AMBRA1: variants seen among roughly 807,000 people sequenced by gnomAD.
The protein encoded by AMBRA1 is activating molecule in BECN1-regulated autophagy protein 1.
A neutral mutation model predicts 125.4 loss-of-function variants in AMBRA1; 47 were observed. The ratio of observed to expected loss-of-function variants is 0.37; its 90% CI spans 0.30 to 0.48. The LOEUF (loss-of-function observed/expected upper bound fraction) is 0.48, where lower values mean the gene tolerates loss of function less well. Among genes scored for constraint, AMBRA1 ranks in the 20% least tolerant of loss-of-function variants. AMBRA1 has a pLI of 0.99. For synonymous variants in AMBRA1, 626 were observed against 655.5 expected (o/e 0.95, Z 0.69); for missense variants, 1,331 against 1,693.4 (o/e 0.79, Z 3.76).
chr11:46,587,649 G>A lies in AMBRA1; in HGVS notation c.-121+6179C>T, dbSNP rs943467588. Among the ~76,000 whole-genome samples the A allele has an allele frequency of 8.5e-5, 13 of 152,214 alleles. No individual in the cohort carries two copies. In the East Asian group the frequency reaches 2.1e-3, roughly 25 times the overall value. On this transcript the variant is annotated intron_variant, in intron 1 of 17. Transcript: ENST00000683756. ...TAATCCCTGTAAATACCCAGGGCTC[G>A]CCTCACTCCTTCTTCCCTCTGTCAG...
chr11:46,553,275 T>A (rs938303528), intron 1 of AMBRA1, among the ~76,000 whole-genome samples: 1 of 152,112 alleles, frequency 6.6e-6, no homozygotes, highest in South Asian at 2.1e-4. Flanking sequence ...AATAACTATT[T>A]ATTGTAAAAA....
At chr11:46,516,323 C>T (rs540102387) in intron 7 of AMBRA1, among the ~76,000 whole-genome samples, 2 of 151,454 alleles carry the variant, frequency 1.3e-5, no homozygotes, top group South Asian at 4.2e-4. Context: ...TAAAAATAGG[C>T]TTCTCCAATT....
chr11:46,487,207 G>A lies in AMBRA1; in HGVS notation c.2521+6401C>T, dbSNP rs1182476353. ...CAGCAGGTTGAGGGTGCAGTGAGTC[G>A]TGACTGGGTCACTGCACTCCAGCCT... On this transcript the variant is annotated intron_variant, in intron 11 of 17. Transcript: ENST00000683756. 6.0e-5 allele frequency among the ~76,000 whole-genome samples: 9 copies of A among 149,352 alleles called. No homozygotes were observed. In the East Asian group the frequency reaches 8.1e-4, roughly 13 times the overall value.
chr11:46,493,663 A>G lies in AMBRA1; in HGVS notation c.2466T>C (p.His822=), dbSNP rs746460100. 6.9e-6 allele frequency: 11 copies of G among 1,604,776 alleles called. No homozygotes were observed. The Admixed American group carries it at 1.4e-4, about 20-fold the overall frequency. ...PEYLPYAGIF[H]ERGQPGLATH... ...TAGCCAAGCCAGGCTGTCCACGTTC[A>G]TGAAAAATCCCAGCATAAGGCAAGT... Residue 822 remains histidine (H), a synonymous_variant, in exon 11 of 18, where the codon CAT becomes CAC. Coordinates refer to ENST00000683756, the MANE Select transcript of AMBRA1 (RefSeq NM_001387011.1).
intron 1 of AMBRA1, among the ~76,000 whole-genome samples, chr11:46,578,749 C>T (rs1167119805): frequency 1.3e-5 from 2 of 150,456 alleles, no homozygotes; most frequent in African/African-American, 4.9e-5. Flanking sequence ...GGCATGGTGG[C>T]GGGCGTCTGT....
At chr11:46,529,617 T>C (rs538457087) in intron 7 of AMBRA1, among the ~76,000 whole-genome samples, 2 of 152,332 alleles carry the variant, frequency 1.3e-5, no homozygotes, top group African/African-American at 4.8e-5. Context: ...CAGCCTAGCA[T>C]AGACTAAGGC....
rs998167041 is a variant in AMBRA1, at chr11:46,558,977, A to G, written c.-120-10477T>C. On this transcript the variant is annotated intron_variant, in intron 1 of 17. Coordinates refer to ENST00000683756, the MANE Select transcript of AMBRA1 (RefSeq NM_001387011.1). ...GGTGGTTATGAGTTCAAAGTCATAA[A>G]TTCAATTTCTACAAGTCAAATACCT... is the stretch of plus-strand genomic sequence containing the variant. Among the ~76,000 whole-genome samples the G allele has an allele frequency of 2.0e-5, 3 of 152,180 alleles. No individual in the cohort carries two copies. In the South Asian group the frequency reaches 6.2e-4, roughly 32 times the overall value.
At chr11:46,572,168 G>A (rs2043789158) in intron 1 of AMBRA1, among the ~76,000 whole-genome samples, 1 of 152,080 alleles carries the variant, frequency 6.6e-6, no homozygotes, top group Non-Finnish European at 1.5e-5. Context: ...GGGCGTGGTG[G>A]CGCCAGCCTG....
At chr11:46,483,077 T>C (rs1438561929) in intron 11 of AMBRA1, among the ~76,000 whole-genome samples, 1 of 151,608 alleles carries the variant, frequency 6.6e-6, no homozygotes, top group Non-Finnish European at 1.5e-5. Flanking sequence ...CTAAAGAATG[T>C]AGCCCCACAG....
intron 1 of AMBRA1, among the ~76,000 whole-genome samples, chr11:46,581,894 A>T (rs1490995655): frequency 2.0e-5 from 3 of 151,372 alleles, no homozygotes; most frequent in African/African-American, 7.3e-5. Flanking sequence ...GTGGGGAAGG[A>T]GCTCTTGAGT....
chr11:46,586,924 A>G (rs960298684), intron 1 of AMBRA1, among the ~76,000 whole-genome samples: 1 of 151,952 alleles, frequency 6.6e-6, no homozygotes, highest in African/African-American at 2.4e-5. Context: ...AAATACTCCA[A>G]TTTTCTCTGC....
At chr11:46,563,862 A>AT (rs60987620) in intron 1 of AMBRA1, among the ~76,000 whole-genome samples, 1 of 149,868 alleles carries the variant, frequency 6.7e-6, no homozygotes, top group Non-Finnish European at 1.5e-5. Context: ...AAAAAAAAAA[A>AT]GGCCAGGCGT....
chr11:46,398,230 CT>C (rs1366045288), intron 17 of AMBRA1, among the ~76,000 whole-genome samples: 24 of 152,350 alleles, frequency 1.6e-4, no homozygotes, highest in Admixed American at 9.1e-4. Context: ...AATGAGTTCT[CT>C]CAGCACCAGT....
At chr11:46,584,589 T>C (rs2044301790) in intron 1 of AMBRA1, among the ~76,000 whole-genome samples, 3 of 152,084 alleles carry the variant, frequency 2.0e-5, no homozygotes, top group Admixed American at 2.0e-4. Context: ...CACTCTGCTA[T>C]AATCACTAGA....
chr11:46,435,219 T>G (rs956850437), intron 12 of AMBRA1, among the ~76,000 whole-genome samples, 182 bp from the exon 13 acceptor site: 1 of 152,186 alleles, frequency 6.6e-6, no homozygotes, highest in Non-Finnish European at 1.5e-5. Flanking sequence ...AAGAAAAGTA[T>G]GTCTCTTCTC....
At chr11:46,583,104 T>A (rs1204509077) in intron 1 of AMBRA1, among the ~76,000 whole-genome samples, 1 of 152,032 alleles carries the variant, frequency 6.6e-6, no homozygotes, top group Admixed American at 6.6e-5. Context: ...CAAACTATAC[T>A]ACAAGGCTAC....
chr11:46,407,814 GGCT>G (rs1257600953), intron 17 of AMBRA1, among the ~76,000 whole-genome samples: 6 of 152,266 alleles, frequency 3.9e-5, no homozygotes, highest in Middle Eastern at 3.4e-3. Flanking sequence ...TCTGTTTGGA[GGCT>G]GCTTTGTTTG....
intron 1 of AMBRA1, among the ~76,000 whole-genome samples, chr11:46,569,515 C>T (rs1275625932): frequency 1.3e-5 from 2 of 149,668 alleles, no homozygotes; most frequent in South Asian, 2.1e-4. Flanking sequence ...CTGGGGCAAA[C>T]CTAGCAGATG....
intron 7 of AMBRA1, among the ~76,000 whole-genome samples, chr11:46,538,929 CAGATCACAGT>C (rs1167145668): frequency 1.3e-5 from 2 of 152,266 alleles, no homozygotes; most frequent in East Asian, 3.9e-4. Context: ...TTTATTTTCT[CAGATCACAGT>C]AGCAGCATTT....
Sources: gnomAD v4.1 joint callset for allele counts (sites outside exome capture counted in the v4.1 genomes callset) on GRCh38, gnomAD v4.1.1 for gene constraint, MANE v1.5 for transcripts, NCBI Gene and HGNC (gene_info 2026-07-23, HGNC 2026-07-21) for gene names.